The following KIRREL3 variants were observed in gnomAD, a reference collection of about 807,000 sequenced individuals.
KIRREL3 encodes the protein kin of IRRE-like protein 3.
In KIRREL3, 36 loss-of-function variants were observed where a neutral mutation model predicts 89.7. The ratio of observed to expected loss-of-function variants is 0.40; its 90% CI spans 0.31 to 0.53. The LOEUF (loss-of-function observed/expected upper bound fraction) is 0.53, where lower values mean the gene tolerates loss of function less well. KIRREL3 is among the 20% of genes least tolerant of loss of function. The pLI is 0.49. For synonymous variants in KIRREL3, 445 were observed against 441.4 expected (o/e 1.01, Z -0.10); for missense variants, 864 against 1,056.6 (o/e 0.82, Z 2.53).
rs766266024 is a variant in KIRREL3, at chr11:126,923,176, C to CTTCTTT, written c.55+77278_55+77279insAAAGAA. 8.7e-3 allele frequency among the ~76,000 whole-genome samples: 156 copies of CTTCTTT among 17,988 alleles called. 47 individuals carry two copies. Among genetic ancestry groups the CTTCTTT allele is most frequent in the South Asian group, 0.035 (13 of 372 alleles). The allele number at this position is 17,988 out of a possible 152,430, so 11.8% of individuals were successfully genotyped here. A position where few individuals can be genotyped will look rare whatever the true frequency, so the allele number is the denominator to read the frequency against. On this transcript the variant is annotated intron_variant, in intron 1 of 16. Transcript: ENST00000525144. ...TCTTCTTCTTCTTCTTCTTCTTCTTCTCTTCTTCTTCTCTTCTTCTTCTTC... is the reference window on the plus strand; with the variant it reads ...TCTTCTTCTTCTTCTTCTTCTTCTTCTTCTTTTCTTCTTCTTCTCTTCTTCTTCTTC...
chr11:126,471,507 G>A lies in KIRREL3; in HGVS notation c.591+1802C>T, dbSNP rs1458078744. Among the ~76,000 whole-genome samples, 1 of 152,186 alleles carries A rather than the reference G, an allele frequency of 6.6e-6. No homozygotes were observed. The highest frequency in any genetic ancestry group is 1.9e-4 in the East Asian group (1 of 5,192). On this transcript the variant is annotated intron_variant, in intron 5 of 16. Transcript: ENST00000525144. This position sits in a 1 kb window ranked among gnomAD's most constrained non-coding sequence, Gnocchi z 5.4. ...TTGGGGCTGGGGTGGGAGGTGTGGG[G>A]AGAGTGTGGGCACAGCCTCTGTTGT...
In KIRREL3 at chr11:126,791,459, A is replaced by T. The variant is rs1021541490; in HGVS notation, c.55+208996T>A. Among the ~76,000 whole-genome samples, 2 of 152,172 alleles carry T rather than the reference A, an allele frequency of 1.3e-5. No individual in the cohort carries two copies. The highest frequency in any genetic ancestry group is 4.8e-5 in the African/African-American group (2 of 41,438). On this transcript the variant is annotated intron_variant, in intron 1 of 16. Transcript: ENST00000525144. This position sits in a 1 kb window ranked among gnomAD's most constrained non-coding sequence, Gnocchi z 4.8. ...GAAAGCCCAGCCACTCCTGATGGTG[A>T]CGGCATTTGCAGAAAATTGTACATA...
rs917622238 is a variant in KIRREL3 at position 126,948,064 on chromosome 11, A to T, written c.55+52391T>A. On this transcript the variant is annotated intron_variant, in intron 1 of 16. Transcript: ENST00000525144. This position sits in a 1 kb window ranked among gnomAD's most constrained non-coding sequence, Gnocchi z 4.5. ...CATTATTTCATAAGAGATGTTAAATACAAATTGTTCATTAAAATACATATT... is the reference window on the plus strand; with the variant it reads ...CATTATTTCATAAGAGATGTTAAATTCAAATTGTTCATTAAAATACATATT... Among the ~76,000 whole-genome samples, 1 of 152,350 alleles carries T rather than the reference A, an allele frequency of 6.6e-6. No homozygotes were observed. Among genetic ancestry groups the T allele is most frequent in the Admixed American group, 6.5e-5 (1 of 15,300 alleles).
intron 1 of KIRREL3, among the ~76,000 whole-genome samples, chr11:126,961,260 G>A (rs768124596): frequency 5.3e-5 from 8 of 152,180 alleles, no homozygotes; most frequent in Non-Finnish European, 2.9e-5. Flanking sequence ...CTTGTTAAAA[G>A]CTGAGATAGG....
At chr11:126,426,896 T>A (rs756466925) in intron 15 of KIRREL3, among the ~76,000 whole-genome samples, 4 of 152,228 alleles carry the variant, frequency 2.6e-5, no homozygotes, top group Admixed American at 6.5e-5. Flanking sequence ...TTCTTTCCCA[T>A]CAGATTCAAC....
rs541521088 is a variant in KIRREL3 at position 126,970,885 on chromosome 11, C to A, written c.55+29570G>T. Among the ~76,000 whole-genome samples, 11 of 152,156 alleles carry A rather than the reference C, an allele frequency of 7.2e-5. No individual in the cohort carries two copies. The highest frequency in any genetic ancestry group is 6.5e-5 in the Admixed American group (1 of 15,270). ...AGGCTCACCTGCTGCCAGGTATCTA[C>A]GCAGCAGGAGAACCACAAACAGAAG... On this transcript the variant is annotated intron_variant, in intron 1 of 16. Transcript: ENST00000525144. The surrounding 1 kb of genome is among the most constrained non-coding windows in gnomAD (Gnocchi z 4.4).
rs984014786 is a variant in KIRREL3, at chr11:126,530,883, T to C, written c.134-4196A>G. 1.3e-5 allele frequency among the ~76,000 whole-genome samples: 2 copies of C among 151,978 alleles called. No individual in the cohort carries two copies. The highest frequency in any genetic ancestry group is 4.8e-5 in the African/African-American group (2 of 41,352). On this transcript the variant is annotated intron_variant, in intron 2 of 16. Transcript: ENST00000525144. The surrounding 1 kb of genome is among the most constrained non-coding windows in gnomAD (Gnocchi z 5.8). ...TCTGACTTTGTTGCCCAGGCTGGAG[T>C]GCAGTGGTGCGATCTCCGCTCATTG...
intron 1 of KIRREL3, among the ~76,000 whole-genome samples, chr11:126,928,526 G>A (rs113990078): frequency 1.6e-4 from 24 of 152,174 alleles, no homozygotes; most frequent in African/African-American, 4.6e-4. Context: ...CCCTGCAGGC[G>A]GACACTGTCA....
rs575393964 is a variant in KIRREL3, at chr11:126,772,539, GAGTC to G, written c.56-209631_56-209628del. Among the ~76,000 whole-genome samples, 14 of 152,318 alleles carry G rather than the reference GAGTC, an allele frequency of 9.2e-5. No homozygotes were observed. In the South Asian group the frequency reaches 2.9e-3, roughly 32 times the overall value. ...GTGTGACATGTGTGTTTCACCTCCG[GAGTC>G]AGTCAATGTGGCTCACAGAGTGGGA... On this transcript the variant is annotated intron_variant, in intron 1 of 16. Coordinates refer to ENST00000525144, the MANE Select transcript of KIRREL3 (RefSeq NM_032531.4). This position sits in a 1 kb window ranked among gnomAD's most constrained non-coding sequence, Gnocchi z 4.6.
chr11:126,462,445 A>G lies in KIRREL3; in HGVS notation c.742+712T>C, dbSNP rs1956578890. ...TTTAGGAGGCCAAGGCGGGCGGAAC[A>G]CTTGAGGTCAGGAGTTTGAGACCAG... On this transcript the variant is annotated intron_variant, in intron 6 of 16. Coordinates refer to ENST00000525144, the MANE Select transcript of KIRREL3 (RefSeq NM_032531.4). The surrounding 1 kb of genome is among the most constrained non-coding windows in gnomAD (Gnocchi z 4.8). Among the ~76,000 whole-genome samples the G allele has an allele frequency of 6.6e-6, 1 of 152,124 alleles. No homozygotes were observed. The highest frequency in any genetic ancestry group is 2.4e-5 in the African/African-American group (1 of 41,428).
In KIRREL3 at chr11:126,635,338, G is replaced by T. The variant is rs189983742; in HGVS notation, c.56-72426C>A. 1.3e-5 allele frequency among the ~76,000 whole-genome samples: 2 copies of T among 152,306 alleles called. No individual in the cohort carries two copies. The highest frequency in any genetic ancestry group is 6.5e-5 in the Admixed American group (1 of 15,304). ...ACGGTCTCCATGTTTTTCCTCCCTG[G>T]TCCCACATAGGTGAGTGATATATAC... is the stretch of plus-strand genomic sequence containing the variant. On this transcript the variant is annotated intron_variant, in intron 1 of 16. Coordinates refer to ENST00000525144, the MANE Select transcript of KIRREL3 (RefSeq NM_032531.4). This position sits in a 1 kb window ranked among gnomAD's most constrained non-coding sequence, Gnocchi z 4.0.
At chr11:126,438,119 A>G (rs1411675371) in intron 11 of KIRREL3, among the ~76,000 whole-genome samples, 3 of 152,232 alleles carry the variant, frequency 2.0e-5, no homozygotes, top group Non-Finnish European at 4.4e-5. Flanking sequence ...TGGCCTGCGC[A>G]CTGCGCCTCC....
In KIRREL3 at chr11:126,478,713, G is replaced by A. The variant is rs191104334; in HGVS notation, c.434-5247C>T. ...TGTAGATGTACATGTGTGTATACAT[G>A]TGTATGGGTGTGTGTATACATGTGT... On this transcript the variant is annotated intron_variant, in intron 4 of 16. Transcript: ENST00000525144. 8.5e-5 allele frequency among the ~76,000 whole-genome samples: 13 copies of A among 152,234 alleles called. No homozygotes were observed. In the East Asian group the frequency reaches 2.3e-3, roughly 27 times the overall value.
At chr11:126,552,550 GTTTTTTTTTTTTTT>G (rs59392843) in intron 2 of KIRREL3, among the ~76,000 whole-genome samples, 25,115 of 82,520 alleles carry the variant, frequency 0.3, 2,941 homozygotes, top group Middle Eastern at 0.41. Context: ...AGAGAGAAAA[GTTTTTTTTTTTTTT>G]TTTTTTTTTT....
At chr11:126,472,903 G>T (rs1164703774) in intron 5 of KIRREL3, among the ~76,000 whole-genome samples, 1 of 150,506 alleles carries the variant, frequency 6.6e-6, no homozygotes, top group Non-Finnish European at 1.5e-5. Flanking sequence ...CAGGGCAGCT[G>T]GTTCCCTCCC....
At position 126,441,262 on chromosome 11, in the gene KIRREL3, T is replaced by C. The variant is rs944589623; in HGVS notation, c.1253-713A>G. Among the ~76,000 whole-genome samples the C allele has an allele frequency of 2.0e-5, 3 of 152,206 alleles. No homozygotes were observed. The highest frequency in any genetic ancestry group is 4.4e-5 in the Non-Finnish European group (3 of 68,040). ...CCAAACTGACCCCAATATTATCATA[T>C]CACAGAGTGTGGCACATGTTTATGG... On this transcript the variant is annotated intron_variant, in intron 10 of 16. Coordinates refer to ENST00000525144, the MANE Select transcript of KIRREL3 (RefSeq NM_032531.4). The surrounding 1 kb of genome is among the most constrained non-coding windows in gnomAD (Gnocchi z 5.0).
rs182453938 is a variant in KIRREL3, at chr11:126,543,001, G to A, written c.134-16314C>T. The stretch of plus-strand genomic sequence containing the variant: ...ACCTAATCCACCTTCATAGCACCCC[G>A]TGGAGCAGGTCCCATCATCAGCCCC... On this transcript the variant is annotated intron_variant, in intron 2 of 16. Transcript: ENST00000525144. Among the ~76,000 whole-genome samples the A allele has an allele frequency of 2.1e-4, 32 of 152,102 alleles. No individual in the cohort carries two copies. The South Asian group carries it at 2.7e-3, about 13-fold the overall frequency.
chr11:126,589,991 C>T (rs1942061042), intron 1 of KIRREL3, among the ~76,000 whole-genome samples: 2 of 152,218 alleles, frequency 1.3e-5, no homozygotes, highest in African/African-American at 2.4e-5. Context: ...AGGGCCACTG[C>T]AGCAGAACAT....
intron 1 of KIRREL3, among the ~76,000 whole-genome samples, chr11:126,617,525 T>C (rs936254372): frequency 7.9e-5 from 12 of 152,262 alleles, no homozygotes; most frequent in Non-Finnish European, 1.3e-4. Flanking sequence ...AAGAAATATA[T>C]GCCCTCTAAA....
Sources: allele counts gnomAD v4.1 joint callset (sites outside exome capture counted in the v4.1 genomes callset), GRCh38; gene constraint gnomAD v4.1.1; non-coding constraint Gnocchi (gnomAD v3.1); transcripts MANE v1.5; gene names NCBI Gene and HGNC (gene_info 2026-07-23, HGNC 2026-07-21).